Variants in COL28A1 observed in about 807,000 individuals in gnomAD.
The protein encoded by COL28A1 is collagen type XXVIII alpha 1 chain.
In COL28A1, 161 loss-of-function variants were observed where a neutral mutation model predicts 150.2. The observed-to-expected ratio is 1.07, with a 90% CI of 0.94 to 1.22. COL28A1 has a LOEUF of 1.22. Ranked by LOEUF, COL28A1 falls within the 50% of genes most tolerant of loss-of-function variation. The probability of loss-of-function intolerance (pLI) is 0.00; values close to 1 mark genes in which losing one functional copy is unlikely to be tolerated. For synonymous variants in COL28A1, 552 were observed against 469.7 expected (o/e 1.18, Z -2.26); for missense variants, 1,617 against 1,388.3 (o/e 1.16, Z -2.62).
the COL28A1 span, among the ~76,000 whole-genome samples, chr7:7,340,658 C>T: frequency 6.6e-6 from 1 of 151,478 alleles, no homozygotes; most frequent in Non-Finnish European, 1.5e-5. Context: ...CTTTTTTTTT[C>T]CCCCTAAGCA....
chr7:7,506,060 G>C lies in COL28A1; in HGVS notation c.980C>G (p.Thr327Ser), dbSNP rs10486176. Residue 327 changes from threonine (T) to serine (S), a missense_variant, in exon 11 of 35, where the codon ACT becomes AGT. By Grantham distance (58) the Thr-to-Ser change is moderately conservative. Transcript: ENST00000399429. ...PKGPRGIQGI[T>S]GPPGDPGPKG... Reference sequence around the variant, plus strand: ...TGGGCCTGGGTCTCCTGGAGGTCCAGTAATTCCCTGCTCCAGGATGAAAAC... The same window carrying C: ...TGGGCCTGGGTCTCCTGGAGGTCCACTAATTCCCTGCTCCAGGATGAAAAC... 159,798 of 1,394,486 alleles carry C rather than the reference G, an allele frequency of 0.11. 9,972 individuals are homozygous for C. The highest frequency in any genetic ancestry group is 0.22 in the Middle Eastern group (1,237 of 5,574). The allele number at this position is 1,394,486 out of a possible 1,614,324, so 86.4% of individuals were successfully genotyped here.
At chr7:7,523,455 G>A (rs1210795410) in intron 4 of COL28A1, among the ~76,000 whole-genome samples, 1 of 151,478 alleles carries the variant, frequency 6.6e-6, no homozygotes, top group Non-Finnish European at 1.5e-5. Flanking sequence ...ACCATGCCTG[G>A]CCGTTTTTTT....
chr7:7,433,580 G>C (rs1785131612), intron 23 of COL28A1, among the ~76,000 whole-genome samples: 2 of 148,204 alleles, frequency 1.3e-5, no homozygotes, highest in Middle Eastern at 3.6e-3. Flanking sequence ...GCTGCAGTGA[G>C]AAGAGATCAC....
intron 8 of COL28A1, among the ~76,000 whole-genome samples, chr7:7,514,375 C>T (rs1054829138): frequency 2.0e-5 from 3 of 152,308 alleles, no homozygotes; most frequent in East Asian, 3.9e-4. Flanking sequence ...ATTAGGCAGG[C>T]CTGTACAAAT....
intron 27 of COL28A1, among the ~76,000 whole-genome samples, chr7:7,397,650 A>G (rs192250150): frequency 7.2e-5 from 11 of 152,338 alleles, no homozygotes; most frequent in Admixed American, 3.9e-4. Flanking sequence ...TCAGTAGTCC[A>G]CACTTCTCAG....
intron 11 of COL28A1, among the ~76,000 whole-genome samples, chr7:7,501,227 G>C (rs1163731685): frequency 6.6e-6 from 1 of 152,224 alleles, no homozygotes; most frequent in Admixed American, 6.5e-5. Context: ...GAACGTCCTA[G>C]AGTAGAACAA....
At chr7:7,383,682 G>GTGTGTATATATA (rs1554262302) in intron 27 of COL28A1, among the ~76,000 whole-genome samples, 2 of 124,096 alleles carry the variant, frequency 1.6e-5, no homozygotes, top group South Asian at 2.7e-4. Flanking sequence ...GTGTGTGTGT[G>GTGTGTATATATA]TATATATATA....
chr7:7,407,128 A>G (rs1440304879), intron 27 of COL28A1, among the ~76,000 whole-genome samples: 1 of 152,086 alleles, frequency 6.6e-6, no homozygotes, highest in Non-Finnish European at 1.5e-5. Flanking sequence ...AACGGCCATA[A>G]TGTAACTCAG....
chr7:7,373,640 C>T lies in COL28A1; in HGVS notation c.2360-94G>A, dbSNP rs575937399. 2.3e-4 allele frequency: 214 copies of T among 923,156 alleles called. 1 individual carries two copies. The South Asian group carries it at 2.6e-3, about 11-fold the overall frequency. 57.2% of individuals were successfully genotyped at this position (923,156 alleles called of 1,614,324 possible). Reference sequence around the variant, plus strand: ...GAAAAAGTCAATGATGAACCTGAGACCTAAACTATTCTCTTCCTTTTCTGT... The same window carrying T: ...GAAAAAGTCAATGATGAACCTGAGATCTAAACTATTCTCTTCCTTTTCTGT... On this transcript the variant is annotated intron_variant, in intron 31 of 34. Coordinates refer to ENST00000399429, the MANE Select transcript of COL28A1 (RefSeq NM_001037763.3). This position sits in a 1 kb window ranked among gnomAD's most constrained non-coding sequence, Gnocchi z 4.1.
chr7:7,539,007 G>C (rs933823759), upstream of COL28A1, among the ~76,000 whole-genome samples: 1 of 150,980 alleles, frequency 6.6e-6, no homozygotes, highest in Admixed American at 6.6e-5. Context: ...CAGTAGAAAA[G>C]CTTGATATAG....
At chr7:7,460,450 T>G (rs6955328) in intron 15 of COL28A1, among the ~76,000 whole-genome samples, 14,943 of 152,102 alleles carry the variant, frequency 0.098, 903 homozygotes, top group Middle Eastern at 0.21. Flanking sequence ...GGTGCAATCT[T>G]GGCTCACTGC....
At chr7:7,374,559 T>C (rs553144630) in intron 31 of COL28A1, among the ~76,000 whole-genome samples, 8 of 152,328 alleles carry the variant, frequency 5.3e-5, no homozygotes, top group Admixed American at 3.3e-4. Context: ...ACCTTCCATT[T>C]AGGTTGATAA....
In COL28A1 at chr7:7,376,886, T is replaced by G. The variant is rs868210497; in HGVS notation, c.2323-1389A>C. 2.6e-5 allele frequency among the ~76,000 whole-genome samples: 4 copies of G among 152,304 alleles called. No individual in the cohort carries two copies. In the South Asian group the frequency reaches 8.3e-4, roughly 32 times the overall value. ...CTCTCACACTGTACTTTAGAAAAGT[T>G]GTGCTAACTGACACCTCCAACAGCA... On this transcript the variant is annotated intron_variant, in intron 30 of 34. Transcript: ENST00000399429.
chr7:7,415,491 C>G (rs1270741462), intron 27 of COL28A1, among the ~76,000 whole-genome samples: 1 of 152,190 alleles, frequency 6.6e-6, no homozygotes, highest in African/African-American at 2.4e-5. Context: ...CTGCTACCAA[C>G]TGGATGCCAG....
In COL28A1 at chr7:7,439,572, G is replaced by T. The variant is rs188107390; in HGVS notation, c.1722+1218C>A. ...ATACCCTGTATTAAGGGGTGATTAT[G>T]CTTTAACATATGGCAATTCTTCACC... On this transcript the variant is annotated intron_variant, in intron 21 of 34. Transcript: ENST00000399429. Among the ~76,000 whole-genome samples, 32 of 152,252 alleles carry T rather than the reference G, an allele frequency of 2.1e-4. No individual in the cohort carries two copies. The East Asian group carries it at 5.2e-3, about 25-fold the overall frequency.
At chr7:7,375,369 A>C in intron 31 of COL28A1, 92 bp downstream of exon 31, 1 of 1,189,950 alleles carries the variant, frequency 8.4e-7, no homozygotes, top group Non-Finnish European at 1.1e-6. Context: ...TAGCTATATA[A>C]TATACATCTG....
intron 32 of COL28A1, 65 bp from the exon 33 acceptor site, chr7:7,370,947 A>T (rs968541315): frequency 4.5e-6 from 5 of 1,108,728 alleles, no homozygotes; most frequent in Admixed American, 4.3e-5. Context: ...AAACTCATTT[A>T]AAAAGATCTG....
chr7:7,448,476 T>G (rs947480168), intron 18 of COL28A1, among the ~76,000 whole-genome samples: 8 of 151,994 alleles, frequency 5.3e-5, no homozygotes, highest in African/African-American at 1.9e-4. Flanking sequence ...AAAGATTTTT[T>G]TTTTGGAAGT....
chr7:7,541,698 T>C, the COL28A1 span, among the ~76,000 whole-genome samples: 2 of 152,178 alleles, frequency 1.3e-5, no homozygotes, highest in Admixed American at 1.3e-4. Context: ...GGAATAAAAG[T>C]TGCTTTCTAC....
Sources: allele counts gnomAD v4.1 joint callset (sites outside exome capture counted in the v4.1 genomes callset), GRCh38; gene constraint gnomAD v4.1.1; non-coding constraint Gnocchi (gnomAD v3.1); transcripts MANE v1.5; gene names NCBI Gene and HGNC (gene_info 2026-07-23, HGNC 2026-07-21).